Variants in HERC1 observed in about 807,000 individuals in gnomAD.
The protein encoded by HERC1 is probable E3 ubiquitin-protein ligase HERC1.
A neutral mutation model predicts 554.3 loss-of-function variants in HERC1; 160 were observed. The ratio of observed to expected loss-of-function variants is 0.29; its 90% CI spans 0.25 to 0.33. The LOEUF (loss-of-function observed/expected upper bound fraction) is 0.33. HERC1 is among the 10% of genes least tolerant of loss of function. The pLI, the probability that HERC1 is intolerant of heterozygous loss-of-function variation, is 1.00. For missense variants in HERC1, 4,919 were observed against 5,918.5 expected, an observed-to-expected ratio of 0.83 and a Z score of 5.54; for synonymous variants, 2,175 against 2,131.7, an observed-to-expected ratio of 1.02 and a Z score of -0.56.
intron 25 of HERC1, among the ~76,000 whole-genome samples, chr15:63,703,281 C>A (rs1253023864): frequency 6.6e-6 from 1 of 152,082 alleles, no homozygotes; most frequent in South Asian, 2.1e-4. Flanking sequence ...GAGAAAAAGG[C>A]GCAATTGTGG....
intron 5 of HERC1, among the ~76,000 whole-genome samples, chr15:63,755,818 G>A (rs1391544910): frequency 3.3e-5 from 5 of 151,870 alleles, no homozygotes; most frequent in African/African-American, 1.2e-4. Context: ...AGAGAGGAGG[G>A]GAGATTAATA....
At chr15:63,798,547 CA>C (rs368821834) in intron 1 of HERC1, among the ~76,000 whole-genome samples, 5,518 of 63,070 alleles carry the variant, frequency 0.087, 135 homozygotes, top group African/African-American at 0.17. Context: ...TCAAACTTTA[CA>C]AAAAAAAAAA....
chr15:63,621,004 G>A (rs865892848), intron 74 of HERC1, among the ~76,000 whole-genome samples: 4 of 151,306 alleles, frequency 2.6e-5, no homozygotes, highest in East Asian at 1.9e-4. Context: ...TTTAAGGTTA[G>A]TATTGTTATG....
chr15:63,731,192 A>G (rs1161415534), intron 14 of HERC1, among the ~76,000 whole-genome samples: 4 of 152,156 alleles, frequency 2.6e-5, no homozygotes, highest in Admixed American at 2.6e-4. Context: ...GTTATTTCCA[A>G]CTTTTTTTCC....
At position 63,638,696 on chromosome 15, in the gene HERC1, T is replaced by G; in HGVS notation, c.11967+15A>C. 6.2e-7 allele frequency: 1 copy of G among 1,607,630 alleles called. No homozygotes were observed. Among genetic ancestry groups the G allele is most frequent in the Non-Finnish European group, 8.5e-7 (1 of 1,174,098 alleles). On this transcript the variant is annotated intron_variant, in intron 62 of 77. Transcript: ENST00000443617. ...GACTGAGAACCATCATACAGTTATC[T>G]TCATCTTTACTGACCTCAGGTCTGG...
intron 14 of HERC1, among the ~76,000 whole-genome samples, chr15:63,731,002 T>C (rs1207163541): frequency 6.6e-6 from 1 of 152,224 alleles, no homozygotes; most frequent in Non-Finnish European, 1.5e-5. Context: ...CCTTTGTCCT[T>C]TTAAAATATT....
At chr15:63,665,053 A>T (rs538658322) in intron 42 of HERC1, among the ~76,000 whole-genome samples, 3 of 152,324 alleles carry the variant, frequency 2.0e-5, no homozygotes, top group Admixed American at 1.3e-4. Flanking sequence ...AAAAATAAAG[A>T]TTTAAAGTCA....
intron 19 of HERC1, among the ~76,000 whole-genome samples, chr15:63,722,057 G>A (rs1016828215): frequency 6.6e-6 from 1 of 152,136 alleles, no homozygotes; most frequent in Non-Finnish European, 1.5e-5. Context: ...TAGAGACAGG[G>A]TTTTGCCATG....
At chr15:63,807,403 G>A (rs778310810) in intron 1 of HERC1, among the ~76,000 whole-genome samples, 1 of 152,064 alleles carries the variant, frequency 6.6e-6, no homozygotes, top group Non-Finnish European at 1.5e-5. Flanking sequence ...TTTCCTCTAG[G>A]GCTACAGGTC....
intron 53 of HERC1, among the ~76,000 whole-genome samples, chr15:63,650,279 G>A (rs1038579476): frequency 2.6e-5 from 4 of 152,114 alleles, no homozygotes; most frequent in Middle Eastern, 3.4e-3. Context: ...GGTGGCACGC[G>A]CCTGTAGTCC....
chr15:63,709,677 C>G (rs2318), intron 24 of HERC1, among the ~76,000 whole-genome samples: 44,499 of 151,968 alleles, frequency 0.29, 6,983 homozygotes, highest in Middle Eastern at 0.39. Context: ...ATCCTCCTTT[C>G]TATATTTTCA....
chr15:63,830,245 G>A (rs902729480), intron 1 of HERC1, among the ~76,000 whole-genome samples: 1 of 152,136 alleles, frequency 6.6e-6, no homozygotes, highest in Non-Finnish European at 1.5e-5. Context: ...AATACCACTA[G>A]CAAAAAGACA....
intron 40 of HERC1, among the ~76,000 whole-genome samples, chr15:63,669,330 T>C (rs927641852): frequency 5.9e-5 from 9 of 152,234 alleles, no homozygotes; most frequent in South Asian, 2.1e-4. Flanking sequence ...ATATGACTAA[T>C]GTACAGCACA....
At chr15:63,804,322 A>T (rs1208859616) in intron 1 of HERC1, among the ~76,000 whole-genome samples, 1 of 152,206 alleles carries the variant, frequency 6.6e-6, no homozygotes, top group Non-Finnish European at 1.5e-5. Flanking sequence ...ACAGTGGCTC[A>T]CGCCTGTAAT....
At chr15:63,631,209 C>T (rs1323117050) in intron 68 of HERC1, among the ~76,000 whole-genome samples, 2 of 152,192 alleles carry the variant, frequency 1.3e-5, no homozygotes, top group Admixed American at 1.3e-4. Context: ...AAACTTCCAA[C>T]CAACCTCTCC....
At chr15:63,760,317 TACGTAGAA>T (rs552848022) in intron 3 of HERC1, among the ~76,000 whole-genome samples, 94 of 150,248 alleles carry the variant, frequency 6.3e-4, no homozygotes, top group African/African-American at 2.2e-3. Context: ...AAACTAATCC[TACGTAGAA>T]ATAAGCAACA....
rs763291356 is a variant in HERC1 at position 63,749,169 on chromosome 15, G to A, written c.2219+198C>T. ...AATACTGGGTATGACTTCTTGCTTCGGAAACATGTCTAACCTCAACATTCA... is the reference window on the plus strand; with the variant it reads ...AATACTGGGTATGACTTCTTGCTTCAGAAACATGTCTAACCTCAACATTCA... On this transcript the variant is annotated intron_variant, in intron 10 of 77. Coordinates refer to ENST00000443617, the MANE Select transcript of HERC1 (RefSeq NM_003922.4). This position sits in a 1 kb window ranked among gnomAD's most constrained non-coding sequence, Gnocchi z 4.1. 8.6e-5 allele frequency among the ~76,000 whole-genome samples: 13 copies of A among 152,038 alleles called. No individual in the cohort carries two copies. Among genetic ancestry groups the A allele is most frequent in the Middle Eastern group, 3.4e-3 (1 of 294 alleles).
At chr15:63,826,902 G>A (rs545261893) in intron 1 of HERC1, among the ~76,000 whole-genome samples, 21 of 141,084 alleles carry the variant, frequency 1.5e-4, no homozygotes, top group African/African-American at 5.4e-4. Flanking sequence ...ATGCAAATTG[G>A]TATACTTGTG....
chr15:63,804,096 C>G (rs1019482789), intron 1 of HERC1, among the ~76,000 whole-genome samples: 1 of 152,124 alleles, frequency 6.6e-6, no homozygotes, highest in African/African-American at 2.4e-5. Flanking sequence ...GAAAAATAAA[C>G]CTTGACCCTA....
Sources: allele counts gnomAD v4.1 joint callset (sites outside exome capture counted in the v4.1 genomes callset), GRCh38; gene constraint gnomAD v4.1.1; non-coding constraint Gnocchi (gnomAD v3.1); transcripts MANE v1.5; gene names NCBI Gene and HGNC (gene_info 2026-07-23, HGNC 2026-07-21).